The following PARN variants were observed in gnomAD, a reference collection of about 807,000 sequenced individuals.
The protein encoded by PARN is poly(A)-specific ribonuclease PARN.
Under a neutral mutation model 102.8 loss-of-function variants are expected in PARN, and 71 were observed. The ratio of observed to expected loss-of-function variants is 0.69; its 90% confidence interval spans 0.57 to 0.84. The LOEUF (loss-of-function observed/expected upper bound fraction) is 0.84, where lower values mean the gene tolerates loss of function less well. Among genes scored for constraint, PARN ranks in the 40% least tolerant of loss-of-function variants. The probability of loss-of-function intolerance (pLI) is 0.00; values close to 1 mark genes in which losing one functional copy is unlikely to be tolerated. For synonymous variants in PARN, 261 were observed against 252.9 expected, an observed-to-expected ratio of 1.03 and a Z score of -0.30; for missense variants, 782 against 760.9, an observed-to-expected ratio of 1.03 and a Z score of -0.33.
At chr16:14,482,941 T>TCTGACCCTTGGCTCTGCCACCTGGAA (rs1305095662) in intron 21 of PARN, 114 bp from the exon 22 acceptor site, 26 of 779,504 alleles carry the variant, frequency 3.3e-5, no homozygotes, top group Non-Finnish European at 4.8e-5. Flanking sequence ...AGGCCTGAGG[T>TCTGACCCTTGGCTCTGCCACCTGGAA]CTGACCCTTG....
chr16:14,593,358 G>A lies in PARN; in HGVS notation c.861C>T (p.His287=). Residue 287 remains histidine, a synonymous_variant, in exon 13 of 24, where the codon CAC becomes CAT. Coordinates refer to ENST00000437198, the MANE Select transcript of PARN (RefSeq NM_002582.4). The stretch of plus-strand genomic sequence containing the variant: ...TGTGCATGACGTCCAAGAGCATATT[G>A]TGTCCAATAACAAGTTTTCCCTAAA... ...IANSGKLVIG[H]NMLLDVMHTV... is the part of the protein sequence containing the mutation. 6.2e-7 allele frequency: 1 copy of A among 1,602,242 alleles called. No individual in the cohort carries two copies. Among genetic ancestry groups the A allele is most frequent in the South Asian group, 1.1e-5 (1 of 90,680 alleles).
At chr16:14,459,413 A>G (rs530505746) in intron 22 of PARN, among the ~76,000 whole-genome samples, 159 of 152,372 alleles carry the variant, frequency 1.0e-3, no homozygotes, top group African/African-American at 3.5e-3. Flanking sequence ...AAAATATATG[A>G]CTTACAATAG....
chr16:14,608,470 G>A (rs1971327512), intron 8 of PARN, among the ~76,000 whole-genome samples, 151 bp from the exon 9 acceptor site: 1 of 152,182 alleles, frequency 6.6e-6, no homozygotes, highest in African/African-American at 2.4e-5. Context: ...GTTTTTTGAG[G>A]TGGGGGGATT....
At chr16:14,527,920 C>T (rs1051580095) in intron 21 of PARN, among the ~76,000 whole-genome samples, 4 of 152,346 alleles carry the variant, frequency 2.6e-5, no homozygotes, top group African/African-American at 9.6e-5. Context: ...AGAGTGCAGT[C>T]TCCTTCAGCT....
chr16:14,607,087 T>C (rs893193908), intron 9 of PARN, among the ~76,000 whole-genome samples: 8 of 152,156 alleles, frequency 5.3e-5, no homozygotes, highest in African/African-American at 1.7e-4. Flanking sequence ...GACCAGGACT[T>C]AGGCACTTTC....
chr16:14,509,237 C>T (rs1224819321), intron 21 of PARN, among the ~76,000 whole-genome samples: 1 of 152,116 alleles, frequency 6.6e-6, no homozygotes, highest in Non-Finnish European at 1.5e-5. Flanking sequence ...GTTAGACTTA[C>T]TCATCAGCCC....
chr16:14,455,489 C>T (rs1961636464), intron 22 of PARN, among the ~76,000 whole-genome samples: 1 of 152,158 alleles, frequency 6.6e-6, no homozygotes, highest in African/African-American at 2.4e-5. Flanking sequence ...TATTCAAACA[C>T]TGGAAAACAC....
intron 12 of PARN, among the ~76,000 whole-genome samples, chr16:14,596,835 A>G (rs1970548514): frequency 6.7e-6 from 1 of 148,204 alleles, no homozygotes; most frequent in Non-Finnish European, 1.5e-5. Context: ...TCACCAGGCT[A>G]CAGTGCAATG....
chr16:14,552,106 A>C lies in PARN; in HGVS notation c.1406-11T>G, dbSNP rs1967342646. Reference sequence around the variant, plus strand: ...ATATCTGAATGTTACCTGCAATCGCAAATTAAAAGTAAAGTGAACATTTGA... The same window carrying C: ...ATATCTGAATGTTACCTGCAATCGCCAATTAAAAGTAAAGTGAACATTTGA... On this transcript the variant is annotated splice_polypyrimidine_tract_variant and intron_variant, in intron 20 of 23. Coordinates refer to ENST00000437198, the MANE Select transcript of PARN (RefSeq NM_002582.4). 6.4e-7 allele frequency: 1 copy of C among 1,574,784 alleles called. No individual in the cohort carries two copies. The highest frequency in any genetic ancestry group is 8.7e-7 in the Non-Finnish European group (1 of 1,145,746).
intron 23 of PARN, among the ~76,000 whole-genome samples, chr16:14,440,062 C>T (rs1960880921): frequency 1.3e-5 from 2 of 151,908 alleles, no homozygotes; most frequent in East Asian, 1.9e-4. Context: ...CCAACAACAA[C>T]AAAATGAAAA....
intron 18 of PARN, among the ~76,000 whole-genome samples, chr16:14,562,394 G>A (rs1373830645): frequency 6.8e-6 from 1 of 147,404 alleles, no homozygotes; most frequent in East Asian, 2.0e-4. Context: ...AGAGGTGGAG[G>A]TTGCAGTGAG....
chr16:14,629,650 A>G lies in PARN; in HGVS notation c.44T>C (p.Val15Ala), dbSNP rs1193879624. ...GTCGGCCTCCTCTATGGCCTGGTAC[A>G]CTTTGTGAAGATTACTCTTAAAATC... ...RSNFKSNLHKVYQAIEEADFF... is the reference protein window; with the variant it reads ...RSNFKSNLHKAYQAIEEADFF... Residue 15 changes from valine to alanine, a missense_variant, in exon 2 of 24, where the codon GTG (valine) becomes GCG (alanine). Val to Ala is a moderately conservative substitution (Grantham distance 64). Coordinates refer to ENST00000437198, the MANE Select transcript of PARN (RefSeq NM_002582.4). 1 of 1,613,394 alleles carries G rather than the reference A, an allele frequency of 6.2e-7. No homozygotes were observed. The highest frequency in any genetic ancestry group is 1.7e-5 in the Admixed American group (1 of 60,024).
chr16:14,452,090 A>C (rs187960135), intron 22 of PARN, among the ~76,000 whole-genome samples: 2 of 152,144 alleles, frequency 1.3e-5, no homozygotes, highest in Admixed American at 1.3e-4. Context: ...TTCATATCTC[A>C]ACATCATGTG....
intron 22 of PARN, among the ~76,000 whole-genome samples, chr16:14,472,110 T>C (rs1962783379): frequency 6.6e-6 from 1 of 152,192 alleles, no homozygotes; most frequent in Non-Finnish European, 1.5e-5. Flanking sequence ...TCGTCTTTCC[T>C]GGATACCCAA....
chr16:14,625,236 G>A (rs964031151), intron 5 of PARN, among the ~76,000 whole-genome samples: 2 of 152,056 alleles, frequency 1.3e-5, no homozygotes, highest in Admixed American at 6.6e-5. Context: ...GTAAGGCCGG[G>A]TGCGGTGGCT....
intron 19 of PARN, 77 bp downstream of exon 19, chr16:14,555,577 G>C (rs1967633758): frequency 1.6e-6 from 1 of 623,392 alleles, no homozygotes; most frequent in African/African-American, 1.9e-5. Flanking sequence ...TTTTTCTTTA[G>C]TAATATTTTC....
At chr16:14,544,864 T>C (rs1313476823) in intron 21 of PARN, among the ~76,000 whole-genome samples, 2 of 152,100 alleles carry the variant, frequency 1.3e-5, no homozygotes, top group African/African-American at 2.4e-5. Context: ...AAAACTGATA[T>C]AACAACTAAA....
rs747888634 is a variant in PARN at position 14,629,682 on chromosome 16, G to C, written c.20-8C>G. On this transcript the variant is annotated splice_polypyrimidine_tract_variant and splice_region_variant and intron_variant, in intron 1 of 23. Transcript: ENST00000437198. ...GAAGATTACTCTTAAAATCTGCGGAGAAACCGAAAAGAGGCTCAGAACCAG... is the reference window on the plus strand; with the variant it reads ...GAAGATTACTCTTAAAATCTGCGGACAAACCGAAAAGAGGCTCAGAACCAG... 1.9e-6 allele frequency: 3 copies of C among 1,607,604 alleles called. No individual in the cohort carries two copies. In the South Asian group the frequency reaches 3.3e-5, roughly 18 times the overall value.
At chr16:14,615,793 C>T (rs1334463113) in intron 6 of PARN, among the ~76,000 whole-genome samples, 1 of 151,502 alleles carries the variant, frequency 6.6e-6, no homozygotes, top group Non-Finnish European at 1.5e-5. Flanking sequence ...CTCAGCTACT[C>T]GGGAGGCTGA....
Sources: gnomAD v4.1 joint callset for allele counts (sites outside exome capture counted in the v4.1 genomes callset) on GRCh38, gnomAD v4.1.1 for gene constraint, MANE v1.5 for transcripts, NCBI Gene and HGNC (gene_info 2026-07-23, HGNC 2026-07-21) for gene names.